Variants in SOX6 observed in about 807,000 individuals in gnomAD.
SOX6 encodes transcription factor SOX-6.
In SOX6, 11 loss-of-function variants were observed where a neutral mutation model predicts 97.8. The observed-to-expected ratio is 0.11, with a 90% CI of 0.07 to 0.19. SOX6 has a LOEUF of 0.19. SOX6 is among the 10% of genes least tolerant of loss of function. The pLI, the probability that SOX6 is intolerant of heterozygous loss-of-function variation, is 1.00. For missense variants in SOX6, 810 were observed against 1,039.5 expected (o/e 0.78, Z 3.04); for synonymous variants, 360 against 371.4 (o/e 0.97, Z 0.35).
At chr11:16,296,579 G>A (rs982052291) in intron 3 of SOX6, among the ~76,000 whole-genome samples, 1 of 152,072 alleles carries the variant, frequency 6.6e-6, no homozygotes, top group Non-Finnish European at 1.5e-5. Flanking sequence ...GTTTAAATGA[G>A]TTCCACTAGA....
intron 3 of SOX6, among the ~76,000 whole-genome samples, chr11:16,676,426 T>A (rs915146378): frequency 1.2e-4 from 19 of 152,228 alleles, no homozygotes; most frequent in African/African-American, 4.6e-4. Context: ...TAGTTTCTAT[T>A]AATTTCCTTT....
At chr11:16,564,452 A>C (rs1206452542) in intron 4 of SOX6, among the ~76,000 whole-genome samples, 1 of 152,204 alleles carries the variant, frequency 6.6e-6, no homozygotes, top group Non-Finnish European at 1.5e-5. Flanking sequence ...AGAATTAAAC[A>C]ATCTGATCAA....
intron 4 of SOX6, among the ~76,000 whole-genome samples, chr11:16,526,129 C>A (rs1424884421): frequency 3.4e-4 from 52 of 152,202 alleles, no homozygotes; most frequent in Middle Eastern, 3.4e-3. Flanking sequence ...CCATCCCATT[C>A]CTGGGTATAT....
intron 6 of SOX6, among the ~76,000 whole-genome samples, chr11:16,174,417 A>G (rs961820088): frequency 2.0e-5 from 3 of 151,936 alleles, no homozygotes; most frequent in African/African-American, 7.2e-5. Flanking sequence ...CTTACAGGAG[A>G]TACTATACTT....
chr11:16,647,720 C>T (rs545370841), intron 3 of SOX6, among the ~76,000 whole-genome samples: 4 of 152,316 alleles, frequency 2.6e-5, no homozygotes, highest in South Asian at 2.1e-4. Flanking sequence ...CCTCTGAACC[C>T]ACATCCCCAC....
At chr11:16,263,973 C>T (rs1376411590) in intron 3 of SOX6, among the ~76,000 whole-genome samples, 2 of 151,864 alleles carry the variant, frequency 1.3e-5, no homozygotes, top group Admixed American at 6.6e-5. Context: ...GGTAGTCCCA[C>T]CCACTACCCC....
intron 1 of SOX6, among the ~76,000 whole-genome samples, chr11:16,420,466 A>G (rs1859000231): frequency 2.6e-5 from 4 of 152,154 alleles, no homozygotes; most frequent in African/African-American, 9.7e-5. Flanking sequence ...TGACATTTAA[A>G]GATGACTAGT....
chr11:16,030,337 T>C (rs1003595043), intron 12 of SOX6, among the ~76,000 whole-genome samples: 3 of 152,222 alleles, frequency 2.0e-5, no homozygotes, highest in Non-Finnish European at 4.4e-5. Flanking sequence ...ATTTTAAAAT[T>C]CATTGACAAT....
chr11:16,033,506 A>C (rs1855439005), intron 12 of SOX6, among the ~76,000 whole-genome samples: 1 of 152,162 alleles, frequency 6.6e-6, no homozygotes, highest in South Asian at 2.1e-4. Context: ...ATTTCATGGC[A>C]ATCAAATTGG....
chr11:16,217,105 A>G (rs535836802), intron 4 of SOX6, among the ~76,000 whole-genome samples: 80 of 152,296 alleles, frequency 5.3e-4, no homozygotes, highest in Non-Finnish European at 1.0e-3. Context: ...GGTCGTGCCC[A>G]TTTCATTTTC....
chr11:16,690,590 T>C (rs1161275305), intron 3 of SOX6, among the ~76,000 whole-genome samples: 1 of 152,240 alleles, frequency 6.6e-6, no homozygotes, highest in Non-Finnish European at 1.5e-5. Flanking sequence ...TACCCCACTA[T>C]ATGTTTTGAA....
intron 12 of SOX6, among the ~76,000 whole-genome samples, chr11:16,045,780 T>A (rs777931055): frequency 7.9e-5 from 12 of 152,180 alleles, no homozygotes; most frequent in Non-Finnish European, 1.6e-4. Context: ...TGTCACTTCC[T>A]CAGAGAGTCC....
At chr11:16,122,722 G>A (rs1849522728) in intron 6 of SOX6, among the ~76,000 whole-genome samples, 2 of 152,108 alleles carry the variant, frequency 1.3e-5, no homozygotes, top group South Asian at 4.2e-4. Context: ...TAAAGGCAAG[G>A]ACTTTCTATC....
At chr11:15,974,632 T>C (rs58692675) in intron 15 of SOX6, among the ~76,000 whole-genome samples, 8,174 of 148,134 alleles carry the variant, frequency 0.055, 749 homozygotes, top group African/African-American at 0.19. Flanking sequence ...TGAGTGAGAA[T>C]ATGCGGTGTT....
chr11:16,639,017 T>C (rs1848845261), intron 3 of SOX6, among the ~76,000 whole-genome samples: 2 of 152,246 alleles, frequency 1.3e-5, no homozygotes, highest in African/African-American at 4.8e-5. Context: ...TGAATGGTAT[T>C]GCCTACGTTT....
At chr11:16,555,647 C>T (rs114310570) in intron 4 of SOX6, among the ~76,000 whole-genome samples, 10 of 151,496 alleles carry the variant, frequency 6.6e-5, no homozygotes, top group African/African-American at 2.4e-4. Context: ...CTATTGAATA[C>T]AAAAATACAA....
intron 1 of SOX6, among the ~76,000 whole-genome samples, chr11:16,364,648 G>T (rs922352163): frequency 6.6e-6 from 1 of 152,016 alleles, no homozygotes; most frequent in African/African-American, 2.4e-5. Flanking sequence ...ATGAGCAAAT[G>T]GTCATAACAT....
chr11:16,549,995 T>C (rs369086605), intron 4 of SOX6, among the ~76,000 whole-genome samples: 10 of 152,242 alleles, frequency 6.6e-5, no homozygotes, highest in South Asian at 6.2e-4. Flanking sequence ...ATGAAAATAA[T>C]CTATATCCTT....
At chr11:16,150,393 C>G (rs1850429089) in intron 6 of SOX6, among the ~76,000 whole-genome samples, 1 of 152,144 alleles carries the variant, frequency 6.6e-6, no homozygotes, top group Non-Finnish European at 1.5e-5. Context: ...TTCACAGAAG[C>G]CACTTTGGGA....
Sources: allele counts gnomAD v4.1 joint callset (sites outside exome capture counted in the v4.1 genomes callset), GRCh38; gene constraint gnomAD v4.1.1; transcripts MANE v1.5; gene names NCBI Gene and HGNC (gene_info 2026-07-23, HGNC 2026-07-21).